Variants in FRMPD2 observed in about 807,000 individuals in gnomAD.
FRMPD2 encodes the protein FERM and PDZ domain-containing protein 2.
Under a neutral mutation model 140.1 loss-of-function variants are expected in FRMPD2, and 96 were observed. That is an observed-to-expected ratio of 0.69 (90% CI 0.58 to 0.81). The LOEUF (loss-of-function observed/expected upper bound fraction) is 0.81. Ranked by LOEUF, FRMPD2 falls within the 40% of genes least tolerant of loss-of-function variation. FRMPD2 has a pLI of 0.00. For synonymous variants in FRMPD2, 449 were observed against 547.6 expected, an observed-to-expected ratio of 0.82 and a Z score of 2.52; for missense variants, 1,240 against 1,447.4, an observed-to-expected ratio of 0.86 and a Z score of 2.32.
Position 48,184,833 on chromosome 10 carries a change from A to G in FRMPD2, c.2408T>C (p.Ile803Thr). ...GEYSGQADPG[I>T]FISSIIPGGP... ...TCCAGGTATAATAGAAGATATAAAA[A>G]TGCCAGGGTCAGCTTGGCCTGAATA... Residue 803 changes from isoleucine (I) to threonine (T), a missense_variant, in exon 19 of 29, where the codon ATT (isoleucine) becomes ACT (threonine). Physicochemically the swap from Ile to Thr is moderately conservative, Grantham distance 89 (BLOSUM62 -1). This residue lies in a region of FRMPD2 where 1,161 missense variants were observed against 1,055.9 expected (regional missense o/e 1.10). Coordinates refer to ENST00000374201, the MANE Select transcript of FRMPD2 (RefSeq NM_001018071.4). 1.2e-6 allele frequency: 2 copies of G among 1,614,030 alleles called. No individual in the cohort carries two copies. The highest frequency in any genetic ancestry group is 1.7e-6 in the Non-Finnish European group (2 of 1,179,972).
At chr10:48,249,312 G>A in intron 2 of FRMPD2, 134 bp from the exon 3 acceptor site, 1 of 770,826 alleles carries the variant, frequency 1.3e-6, no homozygotes, top group Non-Finnish European at 2.1e-6. Flanking sequence ...AGGAGACATG[G>A]AACAGAATAA....
chr10:48,268,785 C>A (rs1462351129), intron 1 of FRMPD2, among the ~76,000 whole-genome samples: 3 of 152,156 alleles, frequency 2.0e-5, no homozygotes, highest in Non-Finnish European at 4.4e-5. Context: ...TTACATAAAT[C>A]TACACAAGTA....
intron 14 of FRMPD2, among the ~76,000 whole-genome samples, chr10:48,203,846 T>G (rs886268678): frequency 9.2e-5 from 14 of 152,170 alleles, no homozygotes; most frequent in Non-Finnish European, 2.1e-4. Flanking sequence ...GACCACTGAC[T>G]CTTTCTACTC....
intron 15 of FRMPD2, among the ~76,000 whole-genome samples, chr10:48,193,281 C>T (rs1046404844): frequency 3.3e-5 from 5 of 152,194 alleles, no homozygotes; most frequent in African/African-American, 9.7e-5. Flanking sequence ...TCCTCCCAAA[C>T]ATTCTTGTAG....
At chr10:48,240,910 C>G (rs185977666) in intron 5 of FRMPD2, among the ~76,000 whole-genome samples, 36 of 152,322 alleles carry the variant, frequency 2.4e-4, no homozygotes, top group African/African-American at 6.7e-4. Flanking sequence ...TTGTCTGTCT[C>G]CCCCAACATC....
In FRMPD2 at chr10:48,187,233, C is replaced by CA. The variant is rs1419866031; in HGVS notation, c.2224dup (p.Trp742LeufsTer19). ...AACAGGTGGTCCAGAGAGAGAGTCC[C>CA]AGGTCATTGGCTTCTGGATCACACA... On this transcript the variant is annotated frameshift_variant, in exon 17 of 29. Transcript: ENST00000374201. LOFTEE classifies it high-confidence loss of function. 2.4e-5 allele frequency: 38 copies of CA among 1,614,006 alleles called. No homozygotes were observed. The highest frequency in any genetic ancestry group is 2.9e-5 in the Non-Finnish European group (34 of 1,180,018).
intron 13 of FRMPD2, among the ~76,000 whole-genome samples, chr10:48,210,720 C>A (rs762694728): frequency 6.6e-6 from 1 of 152,232 alleles, no homozygotes; most frequent in Non-Finnish European, 1.5e-5. Context: ...TCAAATGAAA[C>A]GCTTGCAGGC....
At chr10:48,237,366 C>A in intron 8 of FRMPD2, among the ~76,000 whole-genome samples, 1 of 152,216 alleles carries the variant, frequency 6.6e-6, no homozygotes, top group African/African-American at 2.4e-5. Context: ...GCCCTCTTCA[C>A]GCCCTCCACC....
chr10:48,185,755 C>T (rs1229210635), intron 17 of FRMPD2, 110 bp from the exon 18 acceptor site: 34 of 780,308 alleles, frequency 4.4e-5, no homozygotes, highest in Admixed American at 3.0e-4. Context: ...CACATTCACA[C>T]GCACACAATC....
At chr10:48,224,814 A>C (rs182958037) in intron 10 of FRMPD2, among the ~76,000 whole-genome samples, 18 of 152,344 alleles carry the variant, frequency 1.2e-4, no homozygotes, top group African/African-American at 4.3e-4. Flanking sequence ...TGCACTCACA[A>C]TGCAAGCACA....
At chr10:48,228,044 T>C (rs1839766266) in intron 10 of FRMPD2, among the ~76,000 whole-genome samples, 1 of 152,158 alleles carries the variant, frequency 6.6e-6, no homozygotes, top group Admixed American at 6.6e-5. Context: ...AATAAATTGC[T>C]TGATGTGAGA....
chr10:48,185,446 G>A (rs1838658999), intron 18 of FRMPD2, 107 bp downstream of exon 18: 2 of 759,870 alleles, frequency 2.6e-6, no homozygotes, highest in African/African-American at 3.4e-5. Context: ...GACTGGGAGA[G>A]GAGGGATAGG....
At chr10:48,174,587 C>T (rs1167738617) in intron 24 of FRMPD2, among the ~76,000 whole-genome samples, 3 of 151,398 alleles carry the variant, frequency 2.0e-5, no homozygotes, top group Middle Eastern at 3.4e-3. Flanking sequence ...TTCTCCATTC[C>T]GCTGTCTGAT....
At chr10:48,177,326 T>C (rs1184284593) in intron 22 of FRMPD2, 3 of 151,198 alleles carry the variant, frequency 2.0e-5, no homozygotes, top group Non-Finnish European at 2.9e-5. Flanking sequence ...TTAGCCAGGA[T>C]AGTCTCAATC....
At chr10:48,190,192 G>C (rs142965430) in intron 16 of FRMPD2, among the ~76,000 whole-genome samples, 149 of 152,282 alleles carry the variant, frequency 9.8e-4, no homozygotes, top group African/African-American at 3.4e-3. Context: ...CTGCAGTGGT[G>C]GGGGGCAGTT....
intron 2 of FRMPD2, 111 bp from the exon 3 acceptor site, chr10:48,249,289 G>A: frequency 5.2e-6 from 5 of 963,860 alleles, no homozygotes; most frequent in Non-Finnish European, 7.8e-6. Flanking sequence ...GACTGAATGT[G>A]AGCAAGACCC....
intron 14 of FRMPD2, 88 bp from the exon 15 acceptor site, chr10:48,201,472 G>T (rs1839085826): frequency 1.6e-6 from 2 of 1,250,954 alleles, no homozygotes; most frequent in Non-Finnish European, 2.3e-6. Context: ...CGGTCCCTTG[G>T]TTCCACACCC....
chr10:48,164,425 G>A (rs1838041127), intron 27 of FRMPD2, among the ~76,000 whole-genome samples: 1 of 150,514 alleles, frequency 6.6e-6, no homozygotes, highest in South Asian at 2.1e-4. Flanking sequence ...TATATCTGTA[G>A]GAATCATGAT....
intron 28 of FRMPD2, 129 bp from the exon 29 acceptor site, chr10:48,157,499 CT>C: frequency 1.5e-6 from 1 of 669,878 alleles, no homozygotes; most frequent in South Asian, 1.6e-5. Flanking sequence ...TGCATTGCCT[CT>C]TTCTCTTAAA....
Sources: allele counts gnomAD v4.1 joint callset (sites outside exome capture counted in the v4.1 genomes callset), GRCh38; gene constraint gnomAD v4.1.1; regional missense constraint gnomAD v4.1.1; transcripts MANE v1.5; gene names NCBI Gene and HGNC (gene_info 2026-07-23, HGNC 2026-07-21).